TLN2: variants seen among roughly 807,000 people sequenced by gnomAD.
TLN2 encodes the protein talin-2.
A neutral mutation model predicts 294.7 loss-of-function variants in TLN2; 118 were observed. The observed-to-expected ratio is 0.40, with a 90% CI of 0.34 to 0.47. The LOEUF (loss-of-function observed/expected upper bound fraction) is 0.47, where lower values mean the gene tolerates loss of function less well. TLN2 is among the 20% of genes least tolerant of loss of function. The pLI is 0.84. For synonymous variants in TLN2, 1,431 were observed against 1,304.5 expected, an observed-to-expected ratio of 1.10 and a Z score of -2.09; for missense variants, 3,083 against 3,282.2, an observed-to-expected ratio of 0.94 and a Z score of 1.48.
chr15:62,521,765 C>T (rs185198199), intron 1 of TLN2, among the ~76,000 whole-genome samples: 15 of 152,206 alleles, frequency 9.9e-5, no homozygotes, highest in Non-Finnish European at 2.2e-4. Context: ...CCCATGCAAA[C>T]GGACATTTTC....
intron 32 of TLN2, among the ~76,000 whole-genome samples, chr15:62,742,802 G>A (rs537019814): frequency 1.3e-5 from 2 of 152,092 alleles, no homozygotes; most frequent in Non-Finnish European, 2.9e-5. Context: ...TGGTTTTTTG[G>A]CACATTTTGG....
rs1211794307 is a variant in TLN2 at position 62,838,931 on chromosome 15, G to C, written c.7450G>C (p.Asp2484His). The C allele has an allele frequency of 3.7e-6, 6 of 1,613,764 alleles. No individual in the cohort carries two copies. The highest frequency in any genetic ancestry group is 1.3e-5 in the African/African-American group (1 of 74,632). The change falls in exon 58 of 59, where the codon GAT becomes CAT. Residue 2484 changes from aspartate (D) to histidine (H), a missense_variant. Transcript: ENST00000636159. Reference sequence around the variant, plus strand: ...CCAGAAGGCAGCTTTTGGCAAAGCTGATGACGACGATGTTGTAGTGAAAAC... The same window carrying C: ...CCAGAAGGCAGCTTTTGGCAAAGCTCATGACGACGATGTTGTAGTGAAAAC... ...AAQKAAFGKA[D>H]DDDVVVKTKF...
At chr15:62,740,522 C>G (rs915682735) in intron 31 of TLN2, 108 bp from the exon 32 acceptor site, 2 of 1,475,964 alleles carry the variant, frequency 1.4e-6, no homozygotes, top group Non-Finnish European at 1.8e-6. Context: ...TTAATGTGAT[C>G]TATACGGATA....
chr15:62,830,694 G>A (rs1474295853), intron 54 of TLN2: 1 of 152,168 alleles, frequency 6.6e-6, no homozygotes, highest in East Asian at 1.9e-4. Flanking sequence ...GAGGTAGGGT[G>A]GGCAGTGCGT....
At chr15:62,505,348 C>G (rs2039557363) in intron 1 of TLN2, among the ~76,000 whole-genome samples, 1 of 152,212 alleles carries the variant, frequency 6.6e-6, no homozygotes, top group Non-Finnish European at 1.5e-5. Flanking sequence ...GCAAATCTTA[C>G]TTTAGCTTAC....
At chr15:62,513,375 G>A (rs904838054) in intron 1 of TLN2, among the ~76,000 whole-genome samples, 12 of 152,226 alleles carry the variant, frequency 7.9e-5, no homozygotes, top group African/African-American at 2.9e-4. Flanking sequence ...CAGGTGGGAA[G>A]TGATAGCTTT....
At chr15:62,703,029 G>T (rs976158641) in intron 19 of TLN2, among the ~76,000 whole-genome samples, 165 bp downstream of exon 19, 1 of 152,014 alleles carries the variant, frequency 6.6e-6, no homozygotes, top group African/African-American at 2.4e-5. Flanking sequence ...TTACCAAAAA[G>T]ATTTTTTTTA....
At chr15:62,726,942 G>A (rs2060472575) in intron 27 of TLN2, 145 bp from the exon 28 acceptor site, 1 of 801,460 alleles carries the variant, frequency 1.2e-6, no homozygotes, top group African/African-American at 1.7e-5. Context: ...TCCTTCTCCT[G>A]TACCACCCTG....
intron 3 of TLN2, among the ~76,000 whole-genome samples, chr15:62,643,299 TA>T (rs1232407292): frequency 2.0e-5 from 3 of 151,728 alleles, no homozygotes; most frequent in Non-Finnish European, 4.4e-5. Flanking sequence ...TTGGAAAAAC[TA>T]AATCTTAATA....
At chr15:62,575,334 CAAAA>C (rs1187679468) in intron 1 of TLN2, among the ~76,000 whole-genome samples, 3 of 151,660 alleles carry the variant, frequency 2.0e-5, no homozygotes, top group Non-Finnish European at 4.4e-5. Context: ...AACAAACAAA[CAAAA>C]AAATTATTTT....
chr15:62,677,573 C>A, intron 11 of TLN2, among the ~76,000 whole-genome samples: 1 of 152,072 alleles, frequency 6.6e-6, no homozygotes, highest in East Asian at 1.9e-4. Context: ...TGAGAGAGAG[C>A]AAAGATCTTC....
chr15:62,455,022 G>C (rs965593378), intron 1 of TLN2, among the ~76,000 whole-genome samples: 39 of 152,260 alleles, frequency 2.6e-4, no homozygotes, highest in African/African-American at 8.7e-4. Flanking sequence ...CTGAACACTG[G>C]GGTTTTGTGG....
intron 14 of TLN2, 46 bp downstream of exon 14, chr15:62,694,438 G>T: frequency 1.9e-6 from 3 of 1,562,686 alleles, no homozygotes; most frequent in African/African-American, 1.4e-5. Flanking sequence ...TCCCTAGATA[G>T]GTAGGTTTCC....
intron 1 of TLN2, among the ~76,000 whole-genome samples, chr15:62,452,049 C>A (rs780805436): frequency 3.9e-5 from 6 of 152,086 alleles, no homozygotes; most frequent in East Asian, 1.9e-4. Context: ...GCTTTCCTGT[C>A]GCCTGTGGAG....
intron 1 of TLN2, among the ~76,000 whole-genome samples, chr15:62,511,541 G>T (rs1242578535): frequency 6.6e-6 from 1 of 152,204 alleles, no homozygotes; most frequent in Non-Finnish European, 1.5e-5. Flanking sequence ...GAGGTGCCAT[G>T]TTCATCTTGC....
In TLN2 at chr15:62,833,500, A is replaced by G. The variant is rs911874028; in HGVS notation, c.7003-4A>G. On this transcript the variant is annotated splice_polypyrimidine_tract_variant and splice_region_variant and intron_variant, in intron 54 of 58. Transcript: ENST00000636159. ...AATGTGATGCTGTTTTCTTTTGGTT[A>G]TAGCAAGCGGATGAGACCCTGGACT... 4 of 1,613,366 alleles carry G rather than the reference A, an allele frequency of 2.5e-6. No homozygotes were observed. The highest frequency in any genetic ancestry group is 3.4e-6 in the Non-Finnish European group (4 of 1,179,660).
At chr15:62,524,989 G>C (rs1242322730) in intron 1 of TLN2, among the ~76,000 whole-genome samples, 1 of 152,208 alleles carries the variant, frequency 6.6e-6, no homozygotes, top group East Asian at 1.9e-4. Context: ...AATAGGACAA[G>C]AGCAACATGG....
At chr15:62,722,539 G>T (rs764633331) in intron 26 of TLN2, 52 bp downstream of exon 26, 10 of 1,568,348 alleles carry the variant, frequency 6.4e-6, no homozygotes, top group South Asian at 4.7e-5. Context: ...AGCTGGGGTG[G>T]CATGGGTACC....
rs559524147 is a variant in TLN2, at chr15:62,477,937, C to T, written c.-238+87252C>T. ...GCAGCGGGGGCAGAGGGGAGCGGGG[C>T]GTTGCAGGCTCAACATTGTCCAGCT... On this transcript the variant is annotated intron_variant, in intron 1 of 58. Transcript: ENST00000636159. Among the ~76,000 whole-genome samples, 186 of 151,090 alleles carry T rather than the reference C, an allele frequency of 1.2e-3. 2 individuals carry two copies. The highest frequency in any genetic ancestry group is 4.2e-3 in the African/African-American group (174 of 41,052).
Sources: gnomAD v4.1 joint callset for allele counts (sites outside exome capture counted in the v4.1 genomes callset) on GRCh38, gnomAD v4.1.1 for gene constraint, MANE v1.5 for transcripts, NCBI Gene and HGNC (gene_info 2026-07-23, HGNC 2026-07-21) for gene names.